LPIN2: variants seen among roughly 807,000 people sequenced by gnomAD.
The protein encoded by LPIN2 is phosphatidate phosphatase LPIN2.
LPIN2 carries 55 observed loss-of-function variants against 111.4 expected under a neutral mutation model. That is an observed-to-expected ratio of 0.49 (90% CI 0.40 to 0.62). The LOEUF is 0.62. Ranked by LOEUF, LPIN2 falls within the 20% of genes least tolerant of loss-of-function variation. LPIN2 has a pLI of 0.00. For missense variants in LPIN2, 992 were observed against 1,112.1 expected (o/e 0.89, Z 1.54); for synonymous variants, 425 against 414.0 (o/e 1.03, Z -0.32).
chr18:2,963,138 G>A (rs2077737839), intron 1 of LPIN2, among the ~76,000 whole-genome samples: 1 of 152,184 alleles, frequency 6.6e-6, no homozygotes, highest in Admixed American at 6.5e-5. Context: ...GTGAAGGCTG[G>A]TAAAACAAAA....
chr18:2,919,225 C>T lies in LPIN2; in HGVS notation c.*1068G>A, dbSNP rs1055217041. The stretch of plus-strand genomic sequence containing the variant: ...GGGACACTGCTCGGGGGGCAGTCTG[C>T]TCCATAGGAGCTCCAAGACCCCTCT... On this transcript the variant is annotated 3_prime_UTR_variant, in exon 20 of 20. Transcript: ENST00000677752. 11 of 152,304 alleles carry T rather than the reference C, an allele frequency of 7.2e-5. No individual in the cohort carries two copies. Among genetic ancestry groups the T allele is most frequent in the African/African-American group, 2.7e-4 (11 of 41,446 alleles). The allele number at this position is 152,304 out of a possible 1,614,324, so 9.4% of individuals were successfully genotyped here. A position where few individuals can be genotyped will look rare whatever the true frequency, so the allele number is the denominator to read the frequency against.
chr18:2,986,835 A>T (rs2078194390), intron 1 of LPIN2, among the ~76,000 whole-genome samples: 1 of 152,232 alleles, frequency 6.6e-6, no homozygotes. Flanking sequence ...AGCCTAATTT[A>T]GGATCAGAGT....
At chr18:2,942,370 G>A (rs1174658339) in intron 4 of LPIN2, among the ~76,000 whole-genome samples, 2 of 152,080 alleles carry the variant, frequency 1.3e-5, no homozygotes, top group Non-Finnish European at 2.9e-5. Flanking sequence ...TTTGTGAATG[G>A]TCTTTATTTG....
intron 1 of LPIN2, among the ~76,000 whole-genome samples, chr18:2,999,105 G>C (rs1252277051): frequency 1.3e-5 from 2 of 152,196 alleles, no homozygotes; most frequent in Non-Finnish European, 2.9e-5. Flanking sequence ...CCCAGAGGAT[G>C]TCACATGTGT....
At chr18:2,929,366 T>C (rs2077182335) in intron 9 of LPIN2, among the ~76,000 whole-genome samples, 2 of 152,024 alleles carry the variant, frequency 1.3e-5, no homozygotes, top group South Asian at 4.1e-4. Flanking sequence ...TTTTCCACTG[T>C]CTCCCAGTGA....
intron 4 of LPIN2, 142 bp downstream of exon 4, chr18:2,950,913 G>C (rs867308869): frequency 1.3e-5 from 11 of 833,368 alleles, no homozygotes; most frequent in Middle Eastern, 3.5e-4. Context: ...AACTGCCTTT[G>C]CTGCTTGATT....
chr18:3,003,717 T>G (rs2078468185), intron 1 of LPIN2, among the ~76,000 whole-genome samples: 1 of 152,172 alleles, frequency 6.6e-6, no homozygotes, highest in Admixed American at 6.6e-5. Flanking sequence ...ACCACTACTG[T>G]ACAAACTGAT....
At chr18:2,942,325 A>C (rs1192418022) in intron 4 of LPIN2, among the ~76,000 whole-genome samples, 1 of 152,184 alleles carries the variant, frequency 6.6e-6, no homozygotes, top group Non-Finnish European at 1.5e-5. Context: ...GGAATATCAA[A>C]AGGCAAATTT....
intron 1 of LPIN2, among the ~76,000 whole-genome samples, chr18:3,007,490 T>A (rs1033171617): frequency 6.6e-6 from 1 of 152,198 alleles, no homozygotes; most frequent in African/African-American, 2.4e-5. Context: ...TTATTAATTT[T>A]AAAAAATACT....
At chr18:2,958,664 GA>G (rs1246213426) in intron 2 of LPIN2, among the ~76,000 whole-genome samples, 1 of 151,898 alleles carries the variant, frequency 6.6e-6, no homozygotes, top group African/African-American at 2.4e-5. Flanking sequence ...GGAGTAGGAG[GA>G]AAAAAATTCT....
intron 8 of LPIN2, among the ~76,000 whole-genome samples, chr18:2,933,158 T>TCA (rs1307515652): frequency 6.6e-6 from 1 of 152,250 alleles, no homozygotes; most frequent in Non-Finnish European, 1.5e-5. Context: ...AGAGTCTCAC[T>TCA]CACTATCTTT....
At chr18:2,980,657 CACTGCCCTCAGGGCTTCCT>C (rs1300765763) in intron 1 of LPIN2, among the ~76,000 whole-genome samples, 1 of 152,222 alleles carries the variant, frequency 6.6e-6, no homozygotes, top group African/African-American at 2.4e-5. Flanking sequence ...AATTGAGGGA[CACTGCCCTCAGGGCTTCCT>C]GGAGTCCCCT....
At chr18:2,984,706 A>C (rs1249109615) in intron 1 of LPIN2, among the ~76,000 whole-genome samples, 2 of 152,194 alleles carry the variant, frequency 1.3e-5, no homozygotes, top group East Asian at 3.8e-4. Flanking sequence ...GACAAAAACC[A>C]TATCCACTTT....
chr18:2,933,533 G>T (rs1048788123), intron 8 of LPIN2, among the ~76,000 whole-genome samples: 1 of 152,166 alleles, frequency 6.6e-6, no homozygotes, highest in Non-Finnish European at 1.5e-5. Context: ...GGAGTTTTAA[G>T]AACTTTCCCA....
chr18:2,951,356 C>T lies in LPIN2; in HGVS notation c.289G>A (p.Glu97Lys), dbSNP rs2077534512. 4 of 1,613,644 alleles carry T rather than the reference C, an allele frequency of 2.5e-6. No homozygotes were observed. The highest frequency in any genetic ancestry group is 3.4e-6 in the Non-Finnish European group (4 of 1,179,796). Reference sequence around the variant, plus strand: ...GTGGCAAGGTAAGCAGGAAGCTTTTCCTTGAGGAGAATGGAGAAAGAAAAG... The same window carrying T: ...GTGGCAAGGTAAGCAGGAAGCTTTTTCTTGAGGAGAATGGAGAAAGAAAAG... ...FFVEETEEEY[E>K]KLPAYLATSP... Residue 97 changes from glutamate to lysine, a missense_variant and splice_region_variant, in exon 4 of 20, where the codon GAA becomes AAA. Transcript: ENST00000677752.
Position 2,939,591 on chromosome 18 carries a change from C to T in LPIN2, c.711G>A (p.Gln237=). Residue 237 remains glutamine, a synonymous_variant, in exon 6 of 20, where the codon CAG becomes CAA. Transcript: ENST00000677752. ...CTGAATCACTCTTAGGACACGCTGT[C>T]TGGGGATAGGTGCTGCAAAGAGAAC... ...DWSPLETTYP[Q]TACPKSDSEL... 1.9e-6 allele frequency: 3 copies of T among 1,613,574 alleles called. No individual in the cohort carries two copies. Among genetic ancestry groups the T allele is most frequent in the Non-Finnish European group, 2.5e-6 (3 of 1,179,820 alleles).
At position 2,922,182 on chromosome 18, in the gene LPIN2, A is replaced by G; in HGVS notation, c.2192T>C (p.Leu731Pro). Residue 731 changes from leucine to proline, a missense_variant, in exon 17 of 20, where the codon CTG becomes CCG. Leu to Pro is a moderately conservative substitution (Grantham distance 98). Transcript: ENST00000677752. ...GCCGATGGCACGAGCCGAGCAGTAC[A>G]GAAACTTGTAGCCATTCCTGAAAGA... ...HSINENGYKF[L>P]YCSARAIGMA... The G allele has an allele frequency of 6.2e-7, 1 of 1,614,166 alleles. No individual in the cohort carries two copies. Among genetic ancestry groups the G allele is most frequent in the Non-Finnish European group, 8.5e-7 (1 of 1,180,000 alleles).
At chr18:2,993,153 AAAAG>A (rs1355681280) in intron 1 of LPIN2, among the ~76,000 whole-genome samples, 2 of 149,306 alleles carry the variant, frequency 1.3e-5, no homozygotes, top group Non-Finnish European at 2.9e-5. Context: ...GGAGGAAGAA[AAAAG>A]AAAGAAGAAA....
intron 1 of LPIN2, among the ~76,000 whole-genome samples, chr18:3,004,381 G>C (rs756775519): frequency 5.3e-5 from 8 of 152,110 alleles, no homozygotes; most frequent in Non-Finnish European, 8.8e-5. Flanking sequence ...GCCCAGCTGT[G>C]AAATTCCTCT....
Sources: gnomAD v4.1 joint callset for allele counts (sites outside exome capture counted in the v4.1 genomes callset) on GRCh38, gnomAD v4.1.1 for gene constraint, MANE v1.5 for transcripts, NCBI Gene and HGNC (gene_info 2026-07-23, HGNC 2026-07-21) for gene names.